Variants in LGALS9 observed in about 807,000 individuals in gnomAD.
LGALS9 encodes galectin-9.
A neutral mutation model predicts 35.9 loss-of-function variants in LGALS9; 26 were observed. That is an observed-to-expected ratio of 0.72 (90% CI 0.53 to 1.01). The LOEUF is 1.01. LGALS9 is among the 50% of genes least tolerant of loss of function. LGALS9 has a pLI of 0.00. For synonymous variants in LGALS9, 149 were observed against 172.2 expected, an observed-to-expected ratio of 0.87 and a Z score of 1.06; for missense variants, 347 against 445.8, an observed-to-expected ratio of 0.78 and a Z score of 1.99.
intron 7 of LGALS9, 87 bp from the exon 8 acceptor site, chr17:27,646,460 T>C: frequency 8.1e-6 from 13 of 1,595,708 alleles, no homozygotes; most frequent in Non-Finnish European, 1.1e-5. Flanking sequence ...CACAGTGGAG[T>C]CCTCTCTAGA....
chr17:27,648,393 T>A (rs575263013), intron 10 of LGALS9, among the ~76,000 whole-genome samples: 52 of 152,354 alleles, frequency 3.4e-4, no homozygotes, highest in African/African-American at 1.1e-3. Flanking sequence ...ACAGTATCTG[T>A]AGTATGCTTA....
In LGALS9 at chr17:27,647,269, G is replaced by A. The variant is rs144202582; in HGVS notation, c.759-1G>A. On this transcript the variant is annotated splice_acceptor_variant, in intron 9 of 10. Transcript: ENST00000395473. LOFTEE classifies it high-confidence loss of function. ...AGGTTCAGGTGGGCTGCCCACCCCAGGTTCCACATCAACCTGTGCTCTGGG... is the reference window on the plus strand; with the variant it reads ...AGGTTCAGGTGGGCTGCCCACCCCAAGTTCCACATCAACCTGTGCTCTGGG... 1.5e-4 allele frequency: 239 copies of A among 1,613,790 alleles called. 1 individual carries two copies. The highest frequency in any genetic ancestry group is 9.2e-5 in the Non-Finnish European group (109 of 1,180,046).
chr17:27,643,181 T>C (rs917039855), intron 4 of LGALS9, among the ~76,000 whole-genome samples: 2 of 152,208 alleles, frequency 1.3e-5, no homozygotes, highest in Non-Finnish European at 2.9e-5. Flanking sequence ...GGAGCTGCTG[T>C]TACCCTTTTG....
Position 27,631,256 on chromosome 17 carries a change from C to T in LGALS9, c.-10C>T, listed in dbSNP as rs760173340. On this transcript the variant is annotated 5_prime_UTR_variant, in exon 1 of 11. Coordinates refer to ENST00000395473, the MANE Select transcript of LGALS9 (RefSeq NM_009587.3). ...TGAAAGGCAGCGGTGGCCACAGAGG[C>T]GGCGGAGAGATGGCCTTCAGCGGTT... 1.3e-4 allele frequency: 210 copies of T among 1,614,034 alleles called. No individual in the cohort carries two copies. Among genetic ancestry groups the T allele is most frequent in the Non-Finnish European group, 1.7e-4 (197 of 1,180,030 alleles).
intron 3 of LGALS9, chr17:27,641,155 G>T (rs1405027644): frequency 8.0e-6 from 3 of 377,278 alleles, no homozygotes; most frequent in African/African-American, 2.1e-5. Context: ...TCTATTAAGG[G>T]TATAGTTTTG....
intron 3 of LGALS9, among the ~76,000 whole-genome samples, chr17:27,641,811 T>C (rs1240238403): frequency 6.6e-6 from 1 of 151,724 alleles, no homozygotes; most frequent in Non-Finnish European, 1.5e-5. Context: ...CCATCTCTAC[T>C]AAAAATACAA....
At chr17:27,634,035 C>A (rs759462980) in intron 1 of LGALS9, among the ~76,000 whole-genome samples, 1 of 152,238 alleles carries the variant, frequency 6.6e-6, no homozygotes, top group Non-Finnish European at 1.5e-5. Context: ...CCTGGGTTTT[C>A]TGGACACACT....
At chr17:27,641,075 G>A (rs1228587016) in intron 3 of LGALS9, 9 of 590,436 alleles carry the variant, frequency 1.5e-5, no homozygotes, top group Non-Finnish European at 2.9e-5. Context: ...CTCTGCTATA[G>A]CCATTCCTCC....
intron 1 of LGALS9, among the ~76,000 whole-genome samples, chr17:27,637,789 A>G (rs1411286604): frequency 6.6e-6 from 1 of 152,144 alleles, no homozygotes; most frequent in East Asian, 1.9e-4. Flanking sequence ...CAGACCCTTG[A>G]TGGGTCCCTT....
chr17:27,645,998 A>G, intron 7 of LGALS9, 87 bp downstream of exon 7: 24 of 1,595,798 alleles, frequency 1.5e-5, no homozygotes, highest in Non-Finnish European at 2.1e-5. Flanking sequence ...AGAGTCGGGA[A>G]GAAAGCGGTT....
chr17:27,641,154 G>A (rs1904464902), intron 3 of LGALS9: 1 of 379,570 alleles, frequency 2.6e-6, no homozygotes, highest in African/African-American at 2.1e-5. Context: ...GTCTATTAAG[G>A]GTATAGTTTT....
At chr17:27,647,496 G>A in intron 10 of LGALS9, 64 bp downstream of exon 10, 2 of 1,594,686 alleles carry the variant, frequency 1.3e-6, no homozygotes, top group Admixed American at 3.5e-5. Flanking sequence ...GGGGGTAAAG[G>A]AGGTTTGAGG....
At chr17:27,641,332 T>C (rs1313913113) in intron 3 of LGALS9, among the ~76,000 whole-genome samples, 1 of 152,166 alleles carries the variant, frequency 6.6e-6, no homozygotes, top group Admixed American at 6.5e-5. Context: ...TTTATGCATA[T>C]ATAAATAATA....
intron 1 of LGALS9, among the ~76,000 whole-genome samples, chr17:27,635,479 TAAA>T (rs2074439146): frequency 6.6e-6 from 1 of 151,206 alleles, no homozygotes; most frequent in Non-Finnish European, 1.5e-5. Context: ...AATAAATAAA[TAAA>T]TAAATAATCT....
At chr17:27,640,867 C>G in intron 3 of LGALS9, 94 bp downstream of exon 3, 1 of 1,535,924 alleles carries the variant, frequency 6.5e-7, no homozygotes, top group Non-Finnish European at 8.9e-7. Context: ...TGACATTCAG[C>G]CAGAGTGACA....
intron 9 of LGALS9, 26 bp from the exon 10 acceptor site, chr17:27,647,244 A>T: frequency 6.2e-7 from 1 of 1,613,520 alleles, no homozygotes; most frequent in Non-Finnish European, 8.5e-7. Flanking sequence ...CGGTGGATAA[A>T]GGTTCAGGTG....
intron 4 of LGALS9, among the ~76,000 whole-genome samples, chr17:27,642,908 A>G (rs902919508): frequency 1.3e-5 from 2 of 152,150 alleles, no homozygotes; most frequent in Admixed American, 1.3e-4. Context: ...GCCAACATCT[A>G]AAAGGTCAGG....
intron 1 of LGALS9, among the ~76,000 whole-genome samples, chr17:27,634,279 T>G (rs1389823436): frequency 6.6e-6 from 1 of 152,204 alleles, no homozygotes; most frequent in African/African-American, 2.4e-5. Context: ...CTGGGCCCAG[T>G]GGCTCATGCC....
chr17:27,633,896 T>TGTCA (rs2074416346), intron 1 of LGALS9, among the ~76,000 whole-genome samples: 1 of 152,190 alleles, frequency 6.6e-6, no homozygotes, highest in South Asian at 2.1e-4. Context: ...GCAGGTCAAG[T>TGTCA]GACTTGGCCA....
Sources: allele counts gnomAD v4.1 joint callset (sites outside exome capture counted in the v4.1 genomes callset), GRCh38; gene constraint gnomAD v4.1.1; transcripts MANE v1.5; gene names NCBI Gene and HGNC (gene_info 2026-07-23, HGNC 2026-07-21).